Variants in PLD5 observed in about 807,000 individuals in gnomAD.
PLD5 encodes phospholipase D family member 5.
PLD5 carries 36 observed loss-of-function variants against 61.1 expected under a neutral mutation model. The ratio of observed to expected loss-of-function variants is 0.59; its 90% CI spans 0.45 to 0.78. PLD5 has a LOEUF of 0.78. Among genes scored for constraint, PLD5 ranks in the 30% least tolerant of loss-of-function variants. The probability of loss-of-function intolerance (pLI) is 0.00; values close to 1 mark genes in which losing one functional copy is unlikely to be tolerated. For synonymous variants in PLD5, 243 were observed against 242.8 expected (o/e 1.00, Z -0.01); for missense variants, 515 against 644.4 (o/e 0.80, Z 2.17).
intron 2 of PLD5, among the ~76,000 whole-genome samples, chr1:242,331,417 G>T (rs1358439063): frequency 6.6e-6 from 1 of 151,950 alleles, no homozygotes; most frequent in Non-Finnish European, 1.5e-5. Context: ...AGTTGTAATA[G>T]GGAGAAAAGG....
chr1:242,411,654 A>C (rs1288120159), intron 1 of PLD5, among the ~76,000 whole-genome samples: 3 of 152,224 alleles, frequency 2.0e-5, no homozygotes, highest in African/African-American at 4.8e-5. Context: ...GACCATTTGC[A>C]ATGTTTTAAT....
At chr1:242,214,318 C>A (rs1670007745) in intron 5 of PLD5, among the ~76,000 whole-genome samples, 1 of 152,186 alleles carries the variant, frequency 6.6e-6, no homozygotes, top group Non-Finnish European at 1.5e-5. Context: ...AATTTTTCCA[C>A]TTAGCCCATC....
intron 5 of PLD5, among the ~76,000 whole-genome samples, chr1:242,207,710 TCATC>T (rs1217820591): frequency 6.9e-6 from 1 of 144,116 alleles, no homozygotes; most frequent in Non-Finnish European, 1.5e-5. Context: ...CACAATTTCT[TCATC>T]CATCTTTTAT....
In PLD5 at chr1:242,192,815, T is replaced by C. The variant is rs112625174; in HGVS notation, c.735+27173A>G. On this transcript the variant is annotated intron_variant, in intron 5 of 9. Coordinates refer to ENST00000536534, the MANE Select transcript of PLD5 (RefSeq NM_001372062.1). ...AGGTAAAATAATTTAGAAGAGGGAATGCTTGGGGTCTCTCTTCCTGCCCCT... is the reference window on the plus strand; with the variant it reads ...AGGTAAAATAATTTAGAAGAGGGAACGCTTGGGGTCTCTCTTCCTGCCCCT... Among the ~76,000 whole-genome samples, 16 of 116,124 alleles carry C rather than the reference T, an allele frequency of 1.4e-4. 1 individual carries two copies. Among genetic ancestry groups the C allele is most frequent in the African/African-American group, 4.8e-4 (16 of 33,158 alleles). The allele number at this position is 116,124 out of a possible 152,430, so 76.2% of individuals were successfully genotyped here. A position where few individuals can be genotyped will look rare whatever the true frequency, so the allele number is the denominator to read the frequency against.
intron 4 of PLD5, among the ~76,000 whole-genome samples, chr1:242,235,215 T>C (rs1671561051): frequency 6.6e-6 from 1 of 152,198 alleles, no homozygotes; most frequent in Admixed American, 6.5e-5. Flanking sequence ...GGTTCTGATT[T>C]GGCCACATCC....
At chr1:242,183,760 G>A (rs947654633) in intron 5 of PLD5, among the ~76,000 whole-genome samples, 1 of 146,846 alleles carries the variant, frequency 6.8e-6, no homozygotes. Context: ...CAGGCGTGGT[G>A]GCGGGCCCCT....
chr1:242,318,692 T>C (rs1442963184), intron 2 of PLD5, among the ~76,000 whole-genome samples: 7 of 151,932 alleles, frequency 4.6e-5, no homozygotes, highest in Non-Finnish European at 1.0e-4. Flanking sequence ...TCTCTCACTA[T>C]GTTGCCCAGG....
chr1:242,170,581 C>T (rs1358215666), intron 5 of PLD5, among the ~76,000 whole-genome samples: 1 of 152,094 alleles, frequency 6.6e-6, no homozygotes, highest in Non-Finnish European at 1.5e-5. Flanking sequence ...AAGTAGGCTT[C>T]AGAAGGTGGG....
intron 4 of PLD5, among the ~76,000 whole-genome samples, chr1:242,245,219 A>G (rs418592): frequency 0.95 from 144,506 of 152,282 alleles, 69,041 homozygotes; most frequent in East Asian, 1. Flanking sequence ...AGCACAATTT[A>G]CATGTAAGGA....
At chr1:242,498,375 A>G (rs1035661894) in intron 1 of PLD5, among the ~76,000 whole-genome samples, 5 of 152,198 alleles carry the variant, frequency 3.3e-5, no homozygotes, top group African/African-American at 4.8e-5. Flanking sequence ...CTCAGCACCA[A>G]CCAGTATTAA....
At chr1:242,248,546 C>T (rs567987482) in intron 4 of PLD5, among the ~76,000 whole-genome samples, 1 of 151,978 alleles carries the variant, frequency 6.6e-6, no homozygotes, top group East Asian at 1.9e-4. Context: ...GAATTCCTGA[C>T]AAACAACTTT....
chr1:242,144,271 T>C (rs1354598245), intron 5 of PLD5, among the ~76,000 whole-genome samples: 1 of 151,418 alleles, frequency 6.6e-6, no homozygotes, highest in Non-Finnish European at 1.5e-5. Context: ...TTTAAAATAT[T>C]ATTAAACAAA....
chr1:242,479,215 C>T (rs915359116), intron 1 of PLD5, among the ~76,000 whole-genome samples: 1 of 152,024 alleles, frequency 6.6e-6, no homozygotes, highest in Admixed American at 6.6e-5. Context: ...GCAATAGGCA[C>T]AAAACTGACT....
intron 3 of PLD5, among the ~76,000 whole-genome samples, chr1:242,276,274 GA>G (rs1674404308): frequency 6.6e-6 from 1 of 151,226 alleles, no homozygotes; most frequent in African/African-American, 2.4e-5. Context: ...GGATAAAGCT[GA>G]AGGTGAGCTT....
chr1:242,130,376 A>T (rs1663142595), intron 5 of PLD5, among the ~76,000 whole-genome samples: 1 of 152,212 alleles, frequency 6.6e-6, no homozygotes, highest in Non-Finnish European at 1.5e-5. Flanking sequence ...TTGATTCCAC[A>T]TCTTTGCTAC....
intron 8 of PLD5, among the ~76,000 whole-genome samples, chr1:242,103,131 GT>G (rs1660808297): frequency 6.6e-6 from 1 of 152,108 alleles, no homozygotes; most frequent in African/African-American, 2.4e-5. Flanking sequence ...TATACCAAAA[GT>G]CCCAGACTGT....
At chr1:242,214,081 A>G (rs186252721) in intron 5 of PLD5, among the ~76,000 whole-genome samples, 1 of 152,292 alleles carries the variant, frequency 6.6e-6, no homozygotes, top group Admixed American at 6.5e-5. Context: ...CAAATAGCGC[A>G]TGTCCTTCCT....
intron 1 of PLD5, among the ~76,000 whole-genome samples, chr1:242,519,343 T>C (rs918328534): frequency 2.0e-5 from 3 of 152,214 alleles, no homozygotes; most frequent in Non-Finnish European, 4.4e-5. Context: ...TTGGCATTTA[T>C]TTACTATTCA....
At chr1:242,479,642 A>C (rs996596733) in intron 1 of PLD5, among the ~76,000 whole-genome samples, 9 of 152,160 alleles carry the variant, frequency 5.9e-5, no homozygotes, top group Non-Finnish European at 1.2e-4. Context: ...TAAAAATCCC[A>C]AGAGACTTTT....
Sources: gnomAD v4.1 joint callset for allele counts (sites outside exome capture counted in the v4.1 genomes callset) on GRCh38, gnomAD v4.1.1 for gene constraint, MANE v1.5 for transcripts, NCBI Gene and HGNC (gene_info 2026-07-23, HGNC 2026-07-21) for gene names.